The following C11orf65 variants were observed in gnomAD, a reference collection of about 807,000 sequenced individuals.
C11orf65 encodes chromosome 11 open reading frame 65.
A neutral mutation model predicts 35.3 loss-of-function variants in C11orf65; 38 were observed. The ratio of observed to expected loss-of-function variants is 1.08; its 90% CI spans 0.83 to 1.41. The LOEUF (loss-of-function observed/expected upper bound fraction) is 1.41, where lower values mean the gene tolerates loss of function less well. C11orf65 is among the 40% of genes most tolerant of loss of function. The pLI is 0.00. For missense variants in C11orf65, 370 were observed against 367.1 expected (o/e 1.01, Z -0.06); for synonymous variants, 105 against 114.4 (o/e 0.92, Z 0.53).
chr11:108,436,732 C>T (rs1168086767), intron 2 of C11orf65, among the ~76,000 whole-genome samples: 2 of 152,096 alleles, frequency 1.3e-5, no homozygotes, highest in African/African-American at 4.8e-5. Context: ...AAAATAAATA[C>T]CACAATACTT....
At chr11:108,320,239 AT>A (rs2085105694) in intron 6 of C11orf65, among the ~76,000 whole-genome samples, 1 of 152,188 alleles carries the variant, frequency 6.6e-6, no homozygotes, top group African/African-American at 2.4e-5. Context: ...TGTTTCTGGG[AT>A]TCCAGGTTCA....
In C11orf65 at chr11:108,453,690, T is replaced by C. The variant is rs1007991224; in HGVS notation, c.81+7789A>G. On this transcript the variant is annotated intron_variant, in intron 2 of 8. Coordinates refer to ENST00000393084, the MANE Select transcript of C11orf65 (RefSeq NM_152587.5). ...AAGTGATCACATGCTTTTTGTCCTT[T>C]ATTCTGTTAATGTGGTCATCGCATT... Among the ~76,000 whole-genome samples the C allele has an allele frequency of 2.0e-5, 3 of 152,226 alleles. No individual in the cohort carries two copies. The East Asian group carries it at 5.8e-4, about 29-fold the overall frequency.
intron 2 of C11orf65, among the ~76,000 whole-genome samples, chr11:108,458,017 G>T (rs577331703): frequency 1.3e-5 from 2 of 152,084 alleles, no homozygotes; most frequent in South Asian, 4.1e-4. Context: ...CTTTTTCAGA[G>T]TTTCTAACCT....
At chr11:108,351,098 C>A (rs1311409055) in intron 2 of C11orf65, among the ~76,000 whole-genome samples, 1 of 152,110 alleles carries the variant, frequency 6.6e-6, no homozygotes, top group Non-Finnish European at 1.5e-5. Context: ...TAATAACACA[C>A]AATATAGAAG....
intron 6 of C11orf65, chr11:108,315,721 G>C (rs2084569620): frequency 1.3e-6 from 1 of 792,830 alleles, no homozygotes; most frequent in Non-Finnish European, 2.2e-6. Flanking sequence ...ATAACATTTA[G>C]AGTTGGGAGT....
intron 2 of C11orf65, among the ~76,000 whole-genome samples, chr11:108,351,679 G>A (rs1462379144): frequency 6.6e-6 from 1 of 152,112 alleles, no homozygotes; most frequent in African/African-American, 2.4e-5. Context: ...GGGCTCCAAG[G>A]GGAAGGAAGT....
chr11:108,419,661 C>T (rs1565672548), intron 3 of C11orf65, among the ~76,000 whole-genome samples: 1 of 152,136 alleles, frequency 6.6e-6, no homozygotes, highest in Non-Finnish European at 1.5e-5. Context: ...ATGATGGCAC[C>T]AATGCACTCC....
chr11:108,383,575 G>GT (rs1243311741), intron 8 of C11orf65, among the ~76,000 whole-genome samples: 1 of 152,214 alleles, frequency 6.6e-6, no homozygotes, highest in Non-Finnish European at 1.5e-5. Flanking sequence ...TTGGTGCTCT[G>GT]TAACTATTAG....
At chr11:108,390,813 G>A (rs1565636317) in intron 7 of C11orf65, among the ~76,000 whole-genome samples, 1 of 152,200 alleles carries the variant, frequency 6.6e-6, no homozygotes, top group African/African-American at 2.4e-5. Flanking sequence ...GGAATCTCAA[G>A]ACTGAGGTCT....
At position 108,331,954 on chromosome 11, in the gene C11orf65, G is replaced by A. The variant is rs898880638; in HGVS notation, c.300-387C>T. 6.2e-7 allele frequency: 1 copy of A among 1,614,014 alleles called. No homozygotes were observed. Among genetic ancestry groups the A allele is most frequent in the Non-Finnish European group, 8.5e-7 (1 of 1,179,954 alleles). On this transcript the variant is annotated intron_variant, in intron 3 of 3. Coordinates refer to the C11orf65 transcript ENST00000524755. The stretch of plus-strand genomic sequence containing the variant: ...ACTGGCCTTAGCAAATGCAAACAGA[G>A]ATGAATTTCTGACTAAACCAGAGGT...
At chr11:108,462,135 T>C (rs2135769117) in intron 1 of C11orf65, among the ~76,000 whole-genome samples, 1 of 152,308 alleles carries the variant, frequency 6.6e-6, no homozygotes, top group East Asian at 1.9e-4. Context: ...CCTTGAACTC[T>C]TAGGCTCGAT....
At chr11:108,446,341 A>G (rs972267664) in intron 2 of C11orf65, among the ~76,000 whole-genome samples, 3 of 151,454 alleles carry the variant, frequency 2.0e-5, no homozygotes, top group Non-Finnish European at 2.9e-5. Flanking sequence ...CAGATTCACC[A>G]AAGTTGAAAT....
chr11:108,437,094 C>CA (rs34835160), intron 2 of C11orf65, among the ~76,000 whole-genome samples: 14,629 of 72,340 alleles, frequency 0.2, 1,538 homozygotes, highest in African/African-American at 0.25. Flanking sequence ...CCCATTACGA[C>CA]AAAAAAAAAA....
chr11:108,462,125 C>A lies in C11orf65; in HGVS notation c.-9-557G>T, dbSNP rs527762943. ...ATGGCAGGATCATAGGTCACTGCAG[C>A]CTTGAACTCTTAGGCTCGATTGCTC... is the stretch of plus-strand genomic sequence containing the variant. On this transcript the variant is annotated intron_variant, in intron 1 of 8. Coordinates refer to ENST00000393084, the MANE Select transcript of C11orf65 (RefSeq NM_152587.5). Among the ~76,000 whole-genome samples the A allele has an allele frequency of 2.0e-5, 3 of 152,272 alleles. No individual in the cohort carries two copies. The South Asian group carries it at 6.2e-4, about 32-fold the overall frequency.
At chr11:108,333,837 A>C (rs1165501517) in intron 3 of C11orf65, 3 of 1,418,812 alleles carry the variant, frequency 2.1e-6, no homozygotes, top group South Asian at 2.3e-5. Context: ...CTTGACCTTC[A>C]ATGCTGTTCC....
chr11:108,317,634 TATATATATATATATATATACAC>T (rs1565504190), intron 6 of C11orf65: 3 of 175,210 alleles, frequency 1.7e-5, no homozygotes, highest in African/African-American at 1.1e-4. Flanking sequence ...TATATATATA[TATATATATATATATATATACAC>T]ACACACACAC....
intron 2 of C11orf65, among the ~76,000 whole-genome samples, chr11:108,376,415 T>C (rs2091728128): frequency 6.6e-6 from 1 of 152,240 alleles, no homozygotes; most frequent in Admixed American, 6.5e-5. Flanking sequence ...GAAACAAAGA[T>C]GTTCTTTGAA....
chr11:108,407,728 A>C (rs902708583), intron 3 of C11orf65, among the ~76,000 whole-genome samples: 1 of 151,228 alleles, frequency 6.6e-6, no homozygotes, highest in Non-Finnish European at 1.5e-5. Flanking sequence ...GTGGATAATG[A>C]GGTCAGGAGA....
intron 6 of C11orf65, among the ~76,000 whole-genome samples, chr11:108,324,065 A>T (rs200914406): frequency 4.0e-4 from 55 of 136,986 alleles, no homozygotes; most frequent in African/African-American, 1.5e-3. Context: ...TGAAAAAAAA[A>T]TTTTAAAGAA....
Sources: gnomAD v4.1 joint callset for allele counts (sites outside exome capture counted in the v4.1 genomes callset) on GRCh38, gnomAD v4.1.1 for gene constraint, MANE v1.5 for transcripts, NCBI Gene and HGNC (gene_info 2026-07-23, HGNC 2026-07-21) for gene names.